PHYHD1: variants seen among roughly 807,000 people sequenced by gnomAD.
PHYHD1 encodes phytanoyl-CoA dioxygenase domain containing 1, also known as phytanoyl-CoA dioxygenase domain-containing protein 1.
Under a neutral mutation model 43.6 loss-of-function variants are expected in PHYHD1, and 42 were observed. That is an observed-to-expected ratio of 0.96 (90% CI 0.75 to 1.25). The LOEUF (loss-of-function observed/expected upper bound fraction) is 1.25, where lower values mean the gene tolerates loss of function less well. PHYHD1 is among the 50% of genes most tolerant of loss of function. The pLI, the probability that PHYHD1 is intolerant of heterozygous loss-of-function variation, is 0.00. For missense variants in PHYHD1, 342 were observed against 370.8 expected, an observed-to-expected ratio of 0.92 and a Z score of 0.64; for synonymous variants, 139 against 143.6, an observed-to-expected ratio of 0.97 and a Z score of 0.23.
At chr9:128,931,245 G>C (rs1045629393) in intron 4 of PHYHD1, among the ~76,000 whole-genome samples, 13 of 152,050 alleles carry the variant, frequency 8.5e-5, no homozygotes, top group Admixed American at 2.0e-4. Context: ...CAGAGTAGCT[G>C]GGATTACAGG....
chr9:128,927,027 C>T lies in PHYHD1; in HGVS notation c.34-11C>T, dbSNP rs1841153806. The T allele has an allele frequency of 6.2e-7, 1 of 1,613,996 alleles. No homozygotes were observed. Among genetic ancestry groups the T allele is most frequent in the Non-Finnish European group, 8.5e-7 (1 of 1,180,000 alleles). On this transcript the variant is annotated splice_polypyrimidine_tract_variant and intron_variant, in intron 3 of 12. Transcript: ENST00000372592. ...AGACTGGGGAAGCCTGAGTCTCAAGCCTGCCTGCAGTTCCAACAGGATGGA... is the reference window on the plus strand; with the variant it reads ...AGACTGGGGAAGCCTGAGTCTCAAGTCTGCCTGCAGTTCCAACAGGATGGA...
At chr9:128,925,285 G>T (rs1392414872) in intron 3 of PHYHD1, among the ~76,000 whole-genome samples, 1 of 151,516 alleles carries the variant, frequency 6.6e-6, no homozygotes, top group Non-Finnish European at 1.5e-5. Context: ...GAGCGCAGTG[G>T]CGTGATCTCA....
rs1258033858 is a variant in PHYHD1 at position 128,940,818 on chromosome 9, G to A, written c.703+103G>A. ...AGGTTGCCCTCGGGGTCATCTGAGG[G>A]CAGTGAAGTCACAGAAAGAGAAGGA... is the stretch of plus-strand genomic sequence containing the variant. On this transcript the variant is annotated intron_variant, in intron 11 of 12. Coordinates refer to ENST00000372592, the MANE Select transcript of PHYHD1 (RefSeq NM_001100876.2). The A allele has an allele frequency of 6.0e-6, 7 of 1,174,690 alleles. No individual in the cohort carries two copies. In the East Asian group the frequency reaches 1.7e-4, roughly 28 times the overall value. 72.8% of individuals were successfully genotyped at this position (1,174,690 alleles called of 1,614,324 possible).
intron 12 of PHYHD1, 22 bp from the exon 13 acceptor site, chr9:128,941,646 G>A: frequency 6.2e-7 from 1 of 1,614,190 alleles, no homozygotes; most frequent in Non-Finnish European, 8.5e-7. Flanking sequence ...CCTCAAGGTT[G>A]TTTCTCCTCT....
chr9:128,932,859 A>ATTTATTTG (rs1554825828), intron 4 of PHYHD1, among the ~76,000 whole-genome samples: 1 of 144,230 alleles, frequency 6.9e-6, no homozygotes, highest in African/African-American at 2.6e-5. Flanking sequence ...TTATTTATTT[A>ATTTATTTG]TTTTTTGAGA....
Position 128,940,475 on chromosome 9 carries a change from G to C in PHYHD1, c.564G>C (p.Trp188Cys), listed in dbSNP as rs1328581917. 2 of 1,613,992 alleles carry C rather than the reference G, an allele frequency of 1.2e-6. No individual in the cohort carries two copies. The highest frequency in any genetic ancestry group is 2.7e-5 in the African/African-American group (2 of 74,916). Reference protein sequence around the residue: ...EDATLENGCLWFIPGSHTSGV... With the variant: ...EDATLENGCLCFIPGSHTSGV... Reference sequence around the variant, plus strand: ...CCACGCTGGAGAACGGCTGTCTCTGGTTCATCCCTGGCTCCCACACCAGTG... The same window carrying C: ...CCACGCTGGAGAACGGCTGTCTCTGCTTCATCCCTGGCTCCCACACCAGTG... The change falls in exon 10 of 13, where the codon TGG becomes TGC. Residue 188 changes from tryptophan to cysteine, a missense_variant. Coordinates refer to ENST00000372592, the MANE Select transcript of PHYHD1 (RefSeq NM_001100876.2).
chr9:128,941,820 C>G lies in PHYHD1; in HGVS notation c.*107C>G. Reference sequence around the variant, plus strand: ...GTTGCAACAGGGAGGTCTTGTCTCCCCTCCTGGGCTTTCCTCCTGCCCTGT... The same window carrying G: ...GTTGCAACAGGGAGGTCTTGTCTCCGCTCCTGGGCTTTCCTCCTGCCCTGT... On this transcript the variant is annotated 3_prime_UTR_variant, in exon 13 of 13. Coordinates refer to ENST00000372592, the MANE Select transcript of PHYHD1 (RefSeq NM_001100876.2). 5 of 1,494,228 alleles carry G rather than the reference C, an allele frequency of 3.3e-6. No homozygotes were observed. The highest frequency in any genetic ancestry group is 3.7e-6 in the Non-Finnish European group (4 of 1,081,660). 92.6% of individuals were successfully genotyped at this position (1,494,228 alleles called of 1,614,324 possible). A position where few individuals can be genotyped will look rare whatever the true frequency, so the allele number is the denominator to read the frequency against.
chr9:128,928,468 C>G (rs1055753953), intron 4 of PHYHD1, among the ~76,000 whole-genome samples: 1 of 151,950 alleles, frequency 6.6e-6, no homozygotes, highest in Admixed American at 6.6e-5. Flanking sequence ...TTTGGGAGGC[C>G]GAGGTGGGTG....
intron 4 of PHYHD1, among the ~76,000 whole-genome samples, chr9:128,931,587 C>T (rs1380586227): frequency 7.2e-5 from 11 of 151,902 alleles, no homozygotes; most frequent in African/African-American, 2.2e-4. Flanking sequence ...TGCAGTGGCG[C>T]GATCTCGGCT....
intron 6 of PHYHD1, 52 bp downstream of exon 6, chr9:128,934,110 G>A (rs1186632542): frequency 1.3e-6 from 2 of 1,570,344 alleles, no homozygotes; most frequent in East Asian, 2.2e-5. Flanking sequence ...CAGGCTGGGA[G>A]TGGTGGCTTA....
At chr9:128,934,494 C>T (rs1029292846) in intron 6 of PHYHD1, among the ~76,000 whole-genome samples, 17 of 151,442 alleles carry the variant, frequency 1.1e-4, no homozygotes, top group Admixed American at 4.6e-4. Context: ...AGTGGCTGGG[C>T]GTGGTCGTTC....
chr9:128,937,660 T>A (rs1046152424), intron 8 of PHYHD1, 97 bp from the exon 9 acceptor site: 39 of 1,410,084 alleles, frequency 2.8e-5, no homozygotes, highest in Non-Finnish European at 3.8e-5. Flanking sequence ...GAGAGGAAAA[T>A]GCCTGTGGCC....
intron 4 of PHYHD1, 131 bp from the exon 5 acceptor site, chr9:128,933,651 A>T: frequency 1.1e-6 from 1 of 947,166 alleles, no homozygotes; most frequent in Non-Finnish European, 1.7e-6. Context: ...CTCAGTGGAC[A>T]AGTCTGAGAA....
At chr9:128,937,821 A>T in intron 9 of PHYHD1, 43 bp downstream of exon 9, 1 of 1,613,830 alleles carries the variant, frequency 6.2e-7, no homozygotes, top group African/African-American at 1.3e-5. Context: ...CATGGGTGGG[A>T]CATCTAAGAC....
intron 2 of PHYHD1, 83 bp from the exon 3 acceptor site, chr9:128,922,199 AG>A (rs1841014171): frequency 8.9e-7 from 1 of 1,119,532 alleles, no homozygotes; most frequent in Non-Finnish European, 1.3e-6. Flanking sequence ...CTAGGGAAGG[AG>A]GGTTGGGTGG....
chr9:128,939,244 C>T lies in PHYHD1; in HGVS notation c.458-1125C>T, dbSNP rs1468548879. Among the ~76,000 whole-genome samples the T allele has an allele frequency of 1.5e-5, 2 of 129,900 alleles. 1 individual carries two copies. Among genetic ancestry groups the T allele is most frequent in the Non-Finnish European group, 3.6e-5 (2 of 56,280 alleles). The allele number at this position is 129,900 out of a possible 152,430, so 85.2% of individuals were successfully genotyped here. ...CATGTTCCTTTGTTCGGTGGTTCCG[C>T]ATCCTAACTGTGCCCCAGCATCGTG... On this transcript the variant is annotated intron_variant, in intron 9 of 12. Coordinates refer to ENST00000372592, the MANE Select transcript of PHYHD1 (RefSeq NM_001100876.2).
intron 3 of PHYHD1, 154 bp from the exon 4 acceptor site, chr9:128,926,884 C>A: frequency 1.0e-6 from 1 of 992,258 alleles, no homozygotes; most frequent in Non-Finnish European, 1.6e-6. Flanking sequence ...ATATTGATTG[C>A]TCTTTGCTGG....
At chr9:128,940,932 ATGGGCTG>A (rs1208403321) in intron 11 of PHYHD1, among the ~76,000 whole-genome samples, 3 of 152,184 alleles carry the variant, frequency 2.0e-5, no homozygotes, top group Non-Finnish European at 4.4e-5. Flanking sequence ...TCTGCTACTT[ATGGGCTG>A]TTTCTCTGGG....
intron 4 of PHYHD1, among the ~76,000 whole-genome samples, chr9:128,933,348 A>G (rs1457508004): frequency 2.0e-5 from 3 of 151,780 alleles, no homozygotes; most frequent in South Asian, 2.1e-4. Context: ...ACAAAGTTTC[A>G]CCATGTTGGC....
Sources: allele counts gnomAD v4.1 joint callset (sites outside exome capture counted in the v4.1 genomes callset), GRCh38; gene constraint gnomAD v4.1.1; transcripts MANE v1.5; gene names NCBI Gene and HGNC (gene_info 2026-07-23, HGNC 2026-07-21).